Variants in PRKCE observed in about 807,000 individuals in gnomAD.
PRKCE encodes protein kinase C epsilon.
A neutral mutation model predicts 85.4 loss-of-function variants in PRKCE; 16 were observed. That is an observed-to-expected ratio of 0.19 (90% confidence interval 0.13 to 0.28). PRKCE has a LOEUF of 0.28. Ranked by LOEUF, PRKCE falls within the 10% of genes least tolerant of loss-of-function variation. PRKCE has a pLI of 1.00. For synonymous variants in PRKCE, 388 were observed against 371.5 expected, an observed-to-expected ratio of 1.04 and a Z score of -0.51; for missense variants, 573 against 975.2, an observed-to-expected ratio of 0.59 and a Z score of 5.49.
intron 14 of PRKCE, among the ~76,000 whole-genome samples, chr2:46,170,718 A>T (rs1032429530): frequency 2.2e-3 from 337 of 152,288 alleles, no homozygotes; most frequent in African/African-American, 7.7e-3. Flanking sequence ...AGGAAACTTG[A>T]AATTATTGTT....
intron 2 of PRKCE, among the ~76,000 whole-genome samples, chr2:45,941,264 C>G (rs1357055512): frequency 6.6e-6 from 1 of 152,054 alleles, no homozygotes; most frequent in East Asian, 1.9e-4. Context: ...AGACCCAGAC[C>G]TCAAGAAGCC....
chr2:45,962,105 C>A (rs530675590), intron 2 of PRKCE, among the ~76,000 whole-genome samples: 2 of 152,240 alleles, frequency 1.3e-5, no homozygotes, highest in South Asian at 4.2e-4. Context: ...GGGTGACTAG[C>A]GTATGCAGGG....
At chr2:45,726,418 G>T (rs979010147) in intron 1 of PRKCE, among the ~76,000 whole-genome samples, 1 of 152,164 alleles carries the variant, frequency 6.6e-6, no homozygotes, top group Non-Finnish European at 1.5e-5. Flanking sequence ...ACCCTGATCA[G>T]TCAGCAGCTG....
chr2:45,700,299 T>C (rs1678524095), intron 1 of PRKCE, among the ~76,000 whole-genome samples: 1 of 150,786 alleles, frequency 6.6e-6, no homozygotes, highest in Admixed American at 6.6e-5. Context: ...CCCAAAGAAA[T>C]GGAAAACTAA....
At chr2:45,949,115 A>G (rs191164534) in intron 2 of PRKCE, among the ~76,000 whole-genome samples, 5 of 152,224 alleles carry the variant, frequency 3.3e-5, no homozygotes, top group Non-Finnish European at 5.9e-5. Context: ...TCTAAGATAT[A>G]TACATGTATA....
intron 1 of PRKCE, among the ~76,000 whole-genome samples, chr2:45,682,347 T>C (rs1225031204): frequency 6.6e-6 from 1 of 152,222 alleles, no homozygotes; most frequent in Non-Finnish European, 1.5e-5. Flanking sequence ...GAGTACGAGG[T>C]AGGAACTTTT....
chr2:45,981,726 C>A (rs939875300), intron 5 of PRKCE, among the ~76,000 whole-genome samples: 3 of 152,214 alleles, frequency 2.0e-5, no homozygotes. Context: ...TATTTCCTTC[C>A]TATGGACATT....
rs140467071 is a variant in PRKCE at position 45,865,366 on chromosome 2, G to A, written c.412+22303G>A. Among the ~76,000 whole-genome samples the A allele has an allele frequency of 4.4e-3, 666 of 152,250 alleles. 10 individuals carry two copies. Among genetic ancestry groups the A allele is most frequent in the African/African-American group, 0.015 (642 of 41,536 alleles). Reference sequence around the variant, plus strand: ...GATAAATCAGAATCTCAGAGGGTAGGGCTTGGACATAGGTATAGCTCCCCA... The same window carrying A: ...GATAAATCAGAATCTCAGAGGGTAGAGCTTGGACATAGGTATAGCTCCCCA... On this transcript the variant is annotated intron_variant, in intron 2 of 14. Transcript: ENST00000306156.
intron 12 of PRKCE, among the ~76,000 whole-genome samples, chr2:46,150,069 C>T (rs186186450): frequency 2.0e-5 from 3 of 152,062 alleles, no homozygotes; most frequent in South Asian, 2.1e-4. Context: ...AGGCTGGTCT[C>T]GAAGTCCTGG....
intron 1 of PRKCE, among the ~76,000 whole-genome samples, chr2:45,668,406 T>C (rs1300633439): frequency 6.6e-6 from 1 of 152,164 alleles, no homozygotes; most frequent in African/African-American, 2.4e-5. Context: ...TTGTGGATGA[T>C]GTGGTTTGGG....
chr2:45,692,309 A>C (rs1170586376), intron 1 of PRKCE, among the ~76,000 whole-genome samples: 1 of 152,102 alleles, frequency 6.6e-6, no homozygotes, highest in East Asian at 1.9e-4. Context: ...GTTCCCTCTG[A>C]AACATGTCGG....
At chr2:46,020,771 G>A (rs958440500) in intron 10 of PRKCE, among the ~76,000 whole-genome samples, 1 of 152,208 alleles carries the variant, frequency 6.6e-6, no homozygotes, top group African/African-American at 2.4e-5. Context: ...AACAGGGACT[G>A]GGAAGGAGAG....
At chr2:46,120,145 C>G (rs1369502451) in intron 11 of PRKCE, among the ~76,000 whole-genome samples, 2 of 152,204 alleles carry the variant, frequency 1.3e-5, no homozygotes, top group African/African-American at 2.4e-5. Flanking sequence ...AGTAGCATTG[C>G]TAAGAGGAAA....
intron 2 of PRKCE, among the ~76,000 whole-genome samples, chr2:45,881,902 C>T (rs78804934): frequency 0.018 from 2,812 of 152,226 alleles, 81 homozygotes; most frequent in East Asian, 0.082. Context: ...AGCTCGAAGA[C>T]CCCTGGAGCA....
chr2:45,704,631 G>A (rs1678954479), intron 1 of PRKCE, among the ~76,000 whole-genome samples: 1 of 152,182 alleles, frequency 6.6e-6, no homozygotes, highest in South Asian at 2.1e-4. Context: ...TCTGAAAAGT[G>A]AGCATCGCCA....
At chr2:45,661,614 C>T (rs758285602) in intron 1 of PRKCE, among the ~76,000 whole-genome samples, 7 of 146,648 alleles carry the variant, frequency 4.8e-5, no homozygotes, top group Non-Finnish European at 7.5e-5. Flanking sequence ...CTGCAAGCTC[C>T]GCCTCCCGGG....
intron 1 of PRKCE, among the ~76,000 whole-genome samples, chr2:45,806,381 T>A (rs1290019013): frequency 1.3e-5 from 2 of 152,214 alleles, no homozygotes; most frequent in African/African-American, 4.8e-5. Flanking sequence ...TTCACTTGAT[T>A]CATTTATTCA....
In PRKCE at chr2:45,815,549, A is replaced by G. The variant is rs147476768; in HGVS notation, c.349-27451A>G. On this transcript the variant is annotated intron_variant, in intron 1 of 14. Coordinates refer to ENST00000306156, the MANE Select transcript of PRKCE (RefSeq NM_005400.3). ...GGTCCCCTCCATTAGATCTCAGTAA[A>G]CAAGTGCCCAAGAAGCACTTCCTGA... is the stretch of plus-strand genomic sequence containing the variant. 5.5e-4 allele frequency among the ~76,000 whole-genome samples: 84 copies of G among 152,240 alleles called. 2 individuals carry two copies. The highest frequency in any genetic ancestry group is 5.2e-3 in the Admixed American group (79 of 15,280).
At chr2:46,128,251 A>G (rs1674064885) in intron 11 of PRKCE, among the ~76,000 whole-genome samples, 1 of 152,214 alleles carries the variant, frequency 6.6e-6, no homozygotes, top group Non-Finnish European at 1.5e-5. Context: ...TAGATATTCG[A>G]ATCTGTTTAC....
Sources: allele counts gnomAD v4.1 joint callset (sites outside exome capture counted in the v4.1 genomes callset), GRCh38; gene constraint gnomAD v4.1.1; transcripts MANE v1.5; gene names NCBI Gene and HGNC (gene_info 2026-07-23, HGNC 2026-07-21).